The following CDH13 variants were observed in gnomAD, a reference collection of about 807,000 sequenced individuals.
CDH13 encodes the protein cadherin 13.
A neutral mutation model predicts 63.8 loss-of-function variants in CDH13; 24 were observed. The ratio of observed to expected loss-of-function variants is 0.38; its 90% CI spans 0.27 to 0.53. The LOEUF is 0.53. Ranked by LOEUF, CDH13 falls within the 20% of genes least tolerant of loss-of-function variation. The probability of loss-of-function intolerance (pLI) is 0.85; values close to 1 mark genes in which losing one functional copy is unlikely to be tolerated. For missense variants in CDH13, 1,049 were observed against 903.1 expected (o/e 1.16, Z -2.07); for synonymous variants, 503 against 355.3 (o/e 1.42, Z -4.67).
At chr16:82,864,355 G>T (rs2040048174) in intron 2 of CDH13, among the ~76,000 whole-genome samples, 2 of 152,134 alleles carry the variant, frequency 1.3e-5, no homozygotes, top group African/African-American at 4.8e-5. Flanking sequence ...CTTCTATAAA[G>T]AACTACCTGA....
chr16:83,173,928 C>G (rs1475064701), intron 4 of CDH13, among the ~76,000 whole-genome samples: 3 of 152,054 alleles, frequency 2.0e-5, no homozygotes, highest in African/African-American at 4.8e-5. Context: ...ACCCAGGGAA[C>G]AGAACAGGCA....
intron 5 of CDH13, among the ~76,000 whole-genome samples, chr16:83,267,301 C>G (rs906929093): frequency 2.6e-5 from 4 of 152,132 alleles, no homozygotes; most frequent in Non-Finnish European, 5.9e-5. Context: ...GGGTTCTCTC[C>G]CTCTTCCTGC....
intron 2 of CDH13, among the ~76,000 whole-genome samples, chr16:82,982,459 C>T (rs557138225): frequency 6.6e-6 from 1 of 152,304 alleles, no homozygotes; most frequent in South Asian, 2.1e-4. Context: ...GTCGGCAGAG[C>T]CATAGCGGAG....
chr16:83,074,233 T>C (rs2032660813), intron 3 of CDH13, among the ~76,000 whole-genome samples: 2 of 152,220 alleles, frequency 1.3e-5, no homozygotes, highest in Admixed American at 6.5e-5. Context: ...TGAGTGAGCA[T>C]GTGCGATATT....
intron 8 of CDH13, among the ~76,000 whole-genome samples, chr16:83,623,902 C>T (rs552722821): frequency 5.3e-5 from 8 of 152,316 alleles, no homozygotes; most frequent in African/African-American, 1.7e-4. Flanking sequence ...AGGAAATTCA[C>T]TTGTATTTTC....
intron 4 of CDH13, among the ~76,000 whole-genome samples, chr16:83,216,046 T>C (rs2039497172): frequency 6.6e-6 from 1 of 150,820 alleles, no homozygotes; most frequent in Admixed American, 6.6e-5. Flanking sequence ...CTTAAGCATA[T>C]GCCAGTAACT....
chr16:83,776,133 C>G (rs766055170), intron 11 of CDH13, among the ~76,000 whole-genome samples: 3 of 152,160 alleles, frequency 2.0e-5, no homozygotes, highest in Non-Finnish European at 4.4e-5. Context: ...CATCACCAGC[C>G]TGGCCTGGGA....
intron 3 of CDH13, among the ~76,000 whole-genome samples, chr16:83,092,315 A>G (rs1752026329): frequency 6.6e-6 from 1 of 152,220 alleles, no homozygotes; most frequent in African/African-American, 2.4e-5. Context: ...GTTGATTTGT[A>G]TAACCTTTGT....
At chr16:82,727,016 A>G (rs748360291) in intron 1 of CDH13, among the ~76,000 whole-genome samples, 3 of 152,086 alleles carry the variant, frequency 2.0e-5, no homozygotes, top group Non-Finnish European at 2.9e-5. Context: ...TCTTCTAATG[A>G]AGTGCCCAGG....
intron 10 of CDH13, among the ~76,000 whole-genome samples, chr16:83,695,303 C>G (rs896629166): frequency 2.0e-5 from 3 of 152,240 alleles, no homozygotes; most frequent in Non-Finnish European, 4.4e-5. Context: ...GTGTCCAGCT[C>G]ACATATGACT....
intron 1 of CDH13, among the ~76,000 whole-genome samples, chr16:82,674,275 C>G (rs1481785133): frequency 6.6e-6 from 1 of 152,150 alleles, no homozygotes; most frequent in Non-Finnish European, 1.5e-5. Flanking sequence ...CAGTTTCACC[C>G]CTTTCTAAAT....
At position 83,779,871 on chromosome 16, in the gene CDH13, A is replaced by G; in HGVS notation, c.1682-97A>G. ...AGACCCTGTCTCAAAAAATAAAATA[A>G]CTGCAAAATATACTAAGTTTACAAT... On this transcript the variant is annotated intron_variant, in intron 11 of 13. Coordinates refer to ENST00000567109, the MANE Select transcript of CDH13 (RefSeq NM_001257.5). The G allele has an allele frequency of 1.2e-5, 10 of 801,028 alleles. No individual in the cohort carries two copies. The South Asian group carries it at 1.9e-4, about 15-fold the overall frequency. 49.6% of individuals were successfully genotyped at this position (801,028 alleles called of 1,614,324 possible). A position where few individuals can be genotyped will look rare whatever the true frequency, so the allele number is the denominator to read the frequency against.
At chr16:83,117,876 C>T (rs998154146) in intron 3 of CDH13, among the ~76,000 whole-genome samples, 4 of 151,986 alleles carry the variant, frequency 2.6e-5, no homozygotes, top group Admixed American at 6.5e-5. Flanking sequence ...TTCCAGACAG[C>T]GTGATACTTG....
intron 1 of CDH13, among the ~76,000 whole-genome samples, chr16:82,766,606 G>C (rs1280537290): frequency 6.6e-6 from 1 of 152,172 alleles, no homozygotes; most frequent in Non-Finnish European, 1.5e-5. Context: ...AATACCTAAT[G>C]CTTCATACAG....
chr16:82,914,545 T>C (rs1305232645), intron 2 of CDH13, among the ~76,000 whole-genome samples: 1 of 152,162 alleles, frequency 6.6e-6, no homozygotes, highest in Non-Finnish European at 1.5e-5. Context: ...CACTCCTAAG[T>C]AGTTAAAGAG....
chr16:83,439,712 A>G (rs539366047), intron 6 of CDH13, among the ~76,000 whole-genome samples: 1 of 152,336 alleles, frequency 6.6e-6, no homozygotes, highest in African/African-American at 2.4e-5. Flanking sequence ...GTGGTCATAG[A>G]GTGGCCTTAT....
At chr16:83,693,601 G>C (rs529470248) in intron 10 of CDH13, among the ~76,000 whole-genome samples, 16 of 152,310 alleles carry the variant, frequency 1.1e-4, no homozygotes, top group African/African-American at 3.6e-4. Context: ...GCCATCTGCT[G>C]TTTGCTTGCC....
intron 5 of CDH13, among the ~76,000 whole-genome samples, chr16:83,287,491 C>T (rs764794984): frequency 2.2e-4 from 34 of 152,172 alleles, no homozygotes; most frequent in Non-Finnish European, 3.5e-4. Context: ...GCATTAGATT[C>T]TCATACGAGC....
At chr16:83,068,484 A>G (rs372962170) in intron 3 of CDH13, among the ~76,000 whole-genome samples, 9 of 152,276 alleles carry the variant, frequency 5.9e-5, no homozygotes, top group East Asian at 3.9e-4. Flanking sequence ...GAGCAAGCCA[A>G]TAAGGTAAGG....
Sources: gnomAD v4.1 joint callset for allele counts (sites outside exome capture counted in the v4.1 genomes callset) on GRCh38, gnomAD v4.1.1 for gene constraint, MANE v1.5 for transcripts, NCBI Gene and HGNC (gene_info 2026-07-23, HGNC 2026-07-21) for gene names.